The following RNF150 variants were observed in gnomAD, a reference collection of about 807,000 sequenced individuals.
The protein encoded by RNF150 is ring finger protein 150.
Under a neutral mutation model 39.3 loss-of-function variants are expected in RNF150, and 24 were observed. The observed-to-expected ratio is 0.61, with a 90% confidence interval of 0.44 to 0.86. RNF150 has a LOEUF of 0.86. Among genes scored for constraint, RNF150 ranks in the 40% least tolerant of loss-of-function variants. The pLI, the probability that RNF150 is intolerant of heterozygous loss-of-function variation, is 0.00. For missense variants in RNF150, 502 were observed against 587.8 expected (o/e 0.85, Z 1.51); for synonymous variants, 255 against 227.3 (o/e 1.12, Z -1.10).
At chr4:141,100,017 T>A (rs1044944919) in intron 1 of RNF150, among the ~76,000 whole-genome samples, 3 of 152,108 alleles carry the variant, frequency 2.0e-5, no homozygotes, top group Non-Finnish European at 4.4e-5. Flanking sequence ...TCGCAAAAGA[T>A]CTCCTGATAA....
intron 1 of RNF150, among the ~76,000 whole-genome samples, chr4:141,115,367 A>T (rs1739518466): frequency 6.6e-6 from 1 of 152,226 alleles, no homozygotes; most frequent in Non-Finnish European, 1.5e-5. Context: ...CAGAGAGCCA[A>T]ATCATGAATA....
chr4:141,105,808 A>G (rs1217284591), intron 1 of RNF150, among the ~76,000 whole-genome samples: 1 of 152,158 alleles, frequency 6.6e-6, no homozygotes, highest in Admixed American at 6.5e-5. Flanking sequence ...TCTCCAGACT[A>G]TTGTTATTGG....
chr4:141,007,695 T>C (rs1734925670), intron 1 of RNF150, among the ~76,000 whole-genome samples: 1 of 152,230 alleles, frequency 6.6e-6, no homozygotes, highest in Admixed American at 6.5e-5. Context: ...AAAGTTGATA[T>C]GGTTCCCACT....
chr4:141,079,925 T>G (rs568379524), intron 1 of RNF150, among the ~76,000 whole-genome samples: 28 of 151,930 alleles, frequency 1.8e-4, no homozygotes, highest in African/African-American at 6.8e-4. Flanking sequence ...CAGTAAGGAG[T>G]TCACAGCATT....
At chr4:141,063,461 A>G (rs182741278) in intron 1 of RNF150, among the ~76,000 whole-genome samples, 10 of 152,322 alleles carry the variant, frequency 6.6e-5, no homozygotes, top group Admixed American at 6.5e-4. Flanking sequence ...AAATATCTTT[A>G]TGGTAAAGCT....
intron 1 of RNF150, among the ~76,000 whole-genome samples, chr4:140,995,645 G>A (rs918716235): frequency 8.5e-5 from 13 of 152,138 alleles, no homozygotes; most frequent in Non-Finnish European, 1.6e-4. Flanking sequence ...TGCCTCTGGA[G>A]TTGTGTCCCG....
At chr4:141,109,388 G>A (rs1739315028) in intron 1 of RNF150, among the ~76,000 whole-genome samples, 1 of 152,004 alleles carries the variant, frequency 6.6e-6, no homozygotes, top group African/African-American at 2.4e-5. Context: ...GAGCCAAGGA[G>A]AAATAAGGAA....
chr4:140,994,407 A>G (rs1041218249), intron 1 of RNF150, among the ~76,000 whole-genome samples: 1 of 152,228 alleles, frequency 6.6e-6, no homozygotes, highest in Non-Finnish European at 1.5e-5. Flanking sequence ...TGATAGTAAA[A>G]TGATCACGAA....
At chr4:141,198,132 TCTCCTGCCTCAGC>T (rs1728233134) in intron 1 of RNF150, among the ~76,000 whole-genome samples, 1 of 151,376 alleles carries the variant, frequency 6.6e-6, no homozygotes, top group African/African-American at 2.4e-5. Context: ...TTCAAGTGAT[TCTCCTGCCTCAGC>T]CTCCTGAGTA....
chr4:141,160,623 G>A (rs1243358081), intron 1 of RNF150, among the ~76,000 whole-genome samples: 1 of 152,132 alleles, frequency 6.6e-6, no homozygotes, highest in East Asian at 1.9e-4. Context: ...GAAGATGATT[G>A]GATCATGGGC....
chr4:141,001,667 G>T (rs11726866), intron 1 of RNF150, among the ~76,000 whole-genome samples: 145,568 of 152,036 alleles, frequency 0.96, 69,996 homozygotes, highest in East Asian at 1. Flanking sequence ...TTACATCTAA[G>T]ACAAACCATG....
intron 5 of RNF150, among the ~76,000 whole-genome samples, chr4:140,923,436 A>G (rs78897114): frequency 0.55 from 83,415 of 151,834 alleles, 23,406 homozygotes; most frequent in East Asian, 0.89. Context: ...ATCTCACACC[A>G]GTTAGAATGG....
At chr4:141,079,181 T>C (rs1738052378) in intron 1 of RNF150, among the ~76,000 whole-genome samples, 1 of 152,102 alleles carries the variant, frequency 6.6e-6, no homozygotes, top group Admixed American at 6.5e-5. Context: ...GCATTCTTAG[T>C]GTGAGGACTG....
At chr4:140,933,202 A>C (rs1446967121) in intron 4 of RNF150, among the ~76,000 whole-genome samples, 1 of 152,160 alleles carries the variant, frequency 6.6e-6, no homozygotes, top group Non-Finnish European at 1.5e-5. Flanking sequence ...GCGAAGGGAG[A>C]AGTTTGTGAG....
At chr4:140,996,141 A>T (rs551242582) in intron 1 of RNF150, among the ~76,000 whole-genome samples, 1 of 152,264 alleles carries the variant, frequency 6.6e-6, no homozygotes, top group South Asian at 2.1e-4. Context: ...AGTATTTGCT[A>T]TTGCTTGTCT....
intron 6 of RNF150, among the ~76,000 whole-genome samples, chr4:140,901,954 G>C (rs1730203624): frequency 6.6e-6 from 1 of 152,156 alleles, no homozygotes; most frequent in African/African-American, 2.4e-5. Context: ...AGATGGGAGT[G>C]GGGAAGAGGC....
chr4:140,949,228 C>G (rs1732446480), intron 3 of RNF150, 73 bp downstream of exon 3: 4 of 1,156,072 alleles, frequency 3.5e-6, no homozygotes, highest in Non-Finnish European at 5.0e-6. Flanking sequence ...TCCTCTCTTC[C>G]ACCCTGGCTA....
intron 1 of RNF150, among the ~76,000 whole-genome samples, chr4:141,013,247 A>G (rs1735142228): frequency 6.6e-6 from 1 of 152,176 alleles, no homozygotes; most frequent in East Asian, 1.9e-4. Context: ...AAAATACTCC[A>G]TTACTGTTCT....
chr4:140,861,477 A>G lies in RNF150; in HGVS notation c.*6784T>C, dbSNP rs941048337. ...GAAATTGTATGATGAAAGGCAAGTA[A>G]CTGGTTGTTGAATTCATGACCCAAG... is the stretch of plus-strand genomic sequence containing the variant. On this transcript the variant is annotated 3_prime_UTR_variant, in exon 7 of 7. Coordinates refer to ENST00000515673, the MANE Select transcript of RNF150 (RefSeq NM_020724.2). 5 of 152,244 alleles carry G rather than the reference A, an allele frequency of 3.3e-5. No individual in the cohort carries two copies. The highest frequency in any genetic ancestry group is 6.5e-5 in the Admixed American group (1 of 15,288). The allele number at this position is 152,244 out of a possible 1,614,324, so 9.4% of individuals were successfully genotyped here. A position where few individuals can be genotyped will look rare whatever the true frequency, so the allele number is the denominator to read the frequency against.
Sources: allele counts gnomAD v4.1 joint callset (sites outside exome capture counted in the v4.1 genomes callset), GRCh38; gene constraint gnomAD v4.1.1; transcripts MANE v1.5; gene names NCBI Gene and HGNC (gene_info 2026-07-23, HGNC 2026-07-21).